The following SETBP1 variants were observed in gnomAD, a reference collection of about 807,000 sequenced individuals.
The protein encoded by SETBP1 is SET binding protein 1.
In SETBP1, 9 loss-of-function variants were observed where a neutral mutation model predicts 101.0. That is an observed-to-expected ratio of 0.09 (90% CI 0.05 to 0.16). SETBP1 has a LOEUF of 0.16. Among genes scored for constraint, SETBP1 ranks in the 10% least tolerant of loss-of-function variants. SETBP1 has a pLI of 1.00. For synonymous variants in SETBP1, 818 were observed against 788.5 expected, an observed-to-expected ratio of 1.04 and a Z score of -0.63; for missense variants, 1,858 against 2,033.8, an observed-to-expected ratio of 0.91 and a Z score of 1.66.
intron 2 of SETBP1, among the ~76,000 whole-genome samples, chr18:44,710,482 C>T (rs2069314325): frequency 8.1e-6 from 1 of 123,814 alleles, no homozygotes; most frequent in African/African-American, 3.1e-5. Flanking sequence ...GATGGAGTCT[C>T]ATTCTGTCAC....
chr18:44,972,072 C>A (rs192820370), intron 4 of SETBP1, among the ~76,000 whole-genome samples: 217 of 152,252 alleles, frequency 1.4e-3, no homozygotes, highest in Non-Finnish European at 2.5e-3. Context: ...AGGAAGGGAT[C>A]CAGTTTCAGC....
chr18:44,696,674 T>C (rs2069023290), intron 1 of SETBP1, among the ~76,000 whole-genome samples: 2 of 152,194 alleles, frequency 1.3e-5, no homozygotes, highest in Non-Finnish European at 2.9e-5. Context: ...GGTCTATGGC[T>C]CTGCAGGGCA....
intron 2 of SETBP1, among the ~76,000 whole-genome samples, chr18:44,787,388 G>T (rs997649680): frequency 1.3e-5 from 2 of 152,278 alleles, no homozygotes; most frequent in South Asian, 2.1e-4. Flanking sequence ...ACTGAGGCAG[G>T]CTCCAGGAAC....
chr18:45,043,605 T>C lies in SETBP1; in HGVS notation c.4171+4950T>C, dbSNP rs561696672. ...TTATTTCAAACTATATTATCTACCATGTTTAAAACTACCAGAGCCCATGAA... is the reference window on the plus strand; with the variant it reads ...TTATTTCAAACTATATTATCTACCACGTTTAAAACTACCAGAGCCCATGAA... On this transcript the variant is annotated intron_variant, in intron 5 of 5. Transcript: ENST00000649279. 7.3e-4 allele frequency among the ~76,000 whole-genome samples: 111 copies of C among 152,324 alleles called. 1 individual carries two copies. Among genetic ancestry groups the C allele is most frequent in the African/African-American group, 2.4e-3 (99 of 41,570 alleles).
chr18:44,947,323 A>G (rs927896443), intron 3 of SETBP1, among the ~76,000 whole-genome samples: 1 of 151,922 alleles, frequency 6.6e-6, no homozygotes, highest in East Asian at 1.9e-4. Flanking sequence ...GCAGAGAAAA[A>G]AACGGTAGGA....
chr18:45,043,623 C>T (rs1202014087), intron 5 of SETBP1, among the ~76,000 whole-genome samples: 2 of 152,192 alleles, frequency 1.3e-5, no homozygotes, highest in East Asian at 3.9e-4. Flanking sequence ...ACTACCAGAG[C>T]CCATGAATAA....
At chr18:44,753,487 A>G (rs369715318) in intron 2 of SETBP1, among the ~76,000 whole-genome samples, 1 of 152,232 alleles carries the variant, frequency 6.6e-6, no homozygotes, top group African/African-American at 2.4e-5. Flanking sequence ...GTGTATTAGA[A>G]GTAGTGCTAC....
At chr18:44,890,317 G>A (rs920047023) in intron 3 of SETBP1, among the ~76,000 whole-genome samples, 10 of 152,056 alleles carry the variant, frequency 6.6e-5, no homozygotes, top group Non-Finnish European at 1.5e-4. Flanking sequence ...AAATCTTTAT[G>A]TGAAAAGCAG....
At chr18:44,996,106 A>T (rs1339347512) in intron 4 of SETBP1, among the ~76,000 whole-genome samples, 1 of 152,228 alleles carries the variant, frequency 6.6e-6, no homozygotes, top group Non-Finnish European at 1.5e-5. Context: ...TTGAACATCA[A>T]GTAGCTACTG....
chr18:44,954,248 T>C (rs773586759), intron 4 of SETBP1, among the ~76,000 whole-genome samples: 9 of 146,376 alleles, frequency 6.1e-5, no homozygotes, highest in Non-Finnish European at 1.3e-4. Flanking sequence ...TTACATCATA[T>C]ATGATAAGAC....
At chr18:44,995,727 G>C (rs1458036975) in intron 4 of SETBP1, among the ~76,000 whole-genome samples, 1 of 152,114 alleles carries the variant, frequency 6.6e-6, no homozygotes, top group Non-Finnish European at 1.5e-5. Context: ...GACCTTCTTG[G>C]TGCATCCTCA....
chr18:44,914,363 C>T (rs191018200), intron 3 of SETBP1, among the ~76,000 whole-genome samples: 6 of 152,196 alleles, frequency 3.9e-5, no homozygotes, highest in Non-Finnish European at 8.8e-5. Context: ...CAACACAGAA[C>T]GTACTTGAGC....
chr18:44,723,636 A>G (rs2069648521), intron 2 of SETBP1, among the ~76,000 whole-genome samples: 1 of 152,140 alleles, frequency 6.6e-6, no homozygotes, highest in African/African-American at 2.4e-5. Flanking sequence ...GGCCCATCTT[A>G]TTACAGTTTG....
chr18:44,998,990 A>T (rs372876867), intron 4 of SETBP1, among the ~76,000 whole-genome samples: 1 of 152,154 alleles, frequency 6.6e-6, no homozygotes, highest in South Asian at 2.1e-4. Flanking sequence ...ATTTATTTGG[A>T]TGTAGAACCG....
At chr18:44,716,221 C>T (rs1178588073) in intron 2 of SETBP1, among the ~76,000 whole-genome samples, 5 of 152,196 alleles carry the variant, frequency 3.3e-5, no homozygotes, top group Non-Finnish European at 7.3e-5. Context: ...ATTCGATTCC[C>T]TGCCATTCTG....
chr18:44,855,198 C>T lies in SETBP1; in HGVS notation c.487-14032C>T, dbSNP rs57375108. Among the ~76,000 whole-genome samples, 938 of 152,024 alleles carry T rather than the reference C, an allele frequency of 6.2e-3. 7 individuals are homozygous for T. Among genetic ancestry groups the T allele is most frequent in the African/African-American group, 0.021 (884 of 41,466 alleles). The stretch of plus-strand genomic sequence containing the variant: ...AATTAACAGGTTATAGTGTTATGAT[C>T]GTTATTGTTTATTGTTATTATTTTA... On this transcript the variant is annotated intron_variant, in intron 2 of 5. Coordinates refer to ENST00000649279, the MANE Select transcript of SETBP1 (RefSeq NM_015559.3).
At chr18:44,766,637 C>T (rs975332907) in intron 2 of SETBP1, among the ~76,000 whole-genome samples, 1 of 152,046 alleles carries the variant, frequency 6.6e-6, no homozygotes, top group East Asian at 1.9e-4. Flanking sequence ...GGTTGCGTAA[C>T]AATGTGAATG....
intron 2 of SETBP1, among the ~76,000 whole-genome samples, chr18:44,783,304 G>A (rs187352444): frequency 6.2e-4 from 94 of 152,310 alleles, no homozygotes; most frequent in Admixed American, 6.1e-3. Flanking sequence ...AAGTGCCACA[G>A]CTTGTTTTTA....
At chr18:44,719,470 T>C (rs1365741928) in intron 2 of SETBP1, among the ~76,000 whole-genome samples, 3 of 152,114 alleles carry the variant, frequency 2.0e-5, no homozygotes, top group East Asian at 1.9e-4. Flanking sequence ...CGAGAAGGAA[T>C]GGAGAGTACC....
Sources: gnomAD v4.1 joint callset for allele counts (sites outside exome capture counted in the v4.1 genomes callset) on GRCh38, gnomAD v4.1.1 for gene constraint, MANE v1.5 for transcripts, NCBI Gene and HGNC (gene_info 2026-07-23, HGNC 2026-07-21) for gene names.